SIRPB1: variants seen among roughly 807,000 people sequenced by gnomAD.
SIRPB1 encodes the protein signal-regulatory protein beta-1.
A neutral mutation model predicts 34.1 loss-of-function variants in SIRPB1; 28 were observed. The observed-to-expected ratio is 0.82, with a 90% CI of 0.61 to 1.12. The LOEUF is 1.12. SIRPB1 is among the 50% of genes most tolerant of loss of function. SIRPB1 has a pLI of 0.00. For missense variants in SIRPB1, 499 were observed against 507.0 expected (o/e 0.98, Z 0.15); for synonymous variants, 211 against 203.8 (o/e 1.04, Z -0.30).
rs2091225636 is a variant in SIRPB1, at chr20:1,570,998, T to C, written c.891A>G (p.Thr297=). The change falls in exon 4 of 6, where the codon ACA becomes ACG. Residue 297 remains threonine (T), a synonymous_variant. Coordinates refer to ENST00000381605, the MANE Select transcript of SIRPB1 (RefSeq NM_006065.5). ...LENGNVSRTE[T]ASTLIENKDG... Reference sequence around the variant, plus strand: ...CCTTGTTCTCTATGAGGGTCGAAGCTGTTTCTGTCCGGGACACATTTCCAT... The same window carrying C: ...CCTTGTTCTCTATGAGGGTCGAAGCCGTTTCTGTCCGGGACACATTTCCAT... 8 of 1,614,206 alleles carry C rather than the reference T, an allele frequency of 5.0e-6. No individual in the cohort carries two copies. The South Asian group carries it at 6.6e-5, about 13-fold the overall frequency.
rs1049539135 is a variant in SIRPB1 at position 1,562,031 on chromosome 20, A to G, written c.*3469T>C. On this transcript the variant is annotated 3_prime_UTR_variant, in exon 6 of 6. Coordinates refer to ENST00000381605, the MANE Select transcript of SIRPB1 (RefSeq NM_006065.5). ...CTCAGATATTTATTTTATACTTTGG[A>G]CTATAACTCATTACTACTTTACTTA... is the stretch of plus-strand genomic sequence containing the variant. Among the ~76,000 whole-genome samples, 5 of 152,138 alleles carry G rather than the reference A, an allele frequency of 3.3e-5. No homozygotes were observed. The highest frequency in any genetic ancestry group is 7.2e-5 in the African/African-American group (3 of 41,426).
In SIRPB1 at chr20:1,574,988, AG is replaced by A. The variant is rs1231109534; in HGVS notation, c.434-2952del. 7.8e-4 allele frequency among the ~76,000 whole-genome samples: 30 copies of A among 38,602 alleles called. 2 individuals are homozygous for A. The highest frequency in any genetic ancestry group is 5.7e-3 in the African/African-American group (27 of 4,704). The allele number at this position is 38,602 out of a possible 152,430, so 25.3% of individuals were successfully genotyped here. A position where few individuals can be genotyped will look rare whatever the true frequency, so the allele number is the denominator to read the frequency against. On this transcript the variant is annotated intron_variant, in intron 2 of 5. Coordinates refer to ENST00000381605, the MANE Select transcript of SIRPB1 (RefSeq NM_006065.5). ...ATCCTCTCCAATCCTCACAGAACCC[AG>A]AATAGGCCATGATAATCAGCATCTC...
chr20:1,587,793 G>A lies in SIRPB1; in HGVS notation c.77-9099C>T, dbSNP rs926767466. Among the ~76,000 whole-genome samples the A allele has an allele frequency of 3.7e-4, 18 of 48,628 alleles. 8 individuals are homozygous for A. The highest frequency in any genetic ancestry group is 6.7e-4 in the Non-Finnish European group (17 of 25,282). 31.9% of individuals were successfully genotyped at this position (48,628 alleles called of 152,430 possible). A position where few individuals can be genotyped will look rare whatever the true frequency, so the allele number is the denominator to read the frequency against. ...GGGAAGACCATGGGTTGAGACACAG[G>A]GTGGAGACTGTCTTCTACAAGCCAA... On this transcript the variant is annotated intron_variant, in intron 1 of 5. Transcript: ENST00000381605.
At chr20:1,579,602 C>G (rs1479090260) in intron 1 of SIRPB1, among the ~76,000 whole-genome samples, 1 of 148,662 alleles carries the variant, frequency 6.7e-6, no homozygotes, top group African/African-American at 2.4e-5. Context: ...TATGTAGCTT[C>G]CAGTAGAAAT....
At chr20:1,619,842 A>G in intron 1 of SIRPB1, 27 bp downstream of exon 1, 1 of 1,560,258 alleles carries the variant, frequency 6.4e-7, no homozygotes, top group Admixed American at 1.7e-5. Context: ...GGCAGGAAAA[A>G]AGATTTTAAC....
rs112820879 is a variant in SIRPB1 at position 1,585,707 on chromosome 20, T to C, written c.77-7013A>G. Among the ~76,000 whole-genome samples, 4 of 48,286 alleles carry C rather than the reference T, an allele frequency of 8.3e-5. 2 individuals are homozygous for C. Among genetic ancestry groups the C allele is most frequent in the African/African-American group, 5.5e-4 (4 of 7,294 alleles). 31.7% of individuals were successfully genotyped at this position (48,286 alleles called of 152,430 possible). A position where few individuals can be genotyped will look rare whatever the true frequency, so the allele number is the denominator to read the frequency against. On this transcript the variant is annotated intron_variant, in intron 1 of 5. Coordinates refer to ENST00000381605, the MANE Select transcript of SIRPB1 (RefSeq NM_006065.5). ...ATGGAGTGTCCTCAAAATTCAAAAATAGAATTATCATATGATCCAGCAATC... is the reference window on the plus strand; with the variant it reads ...ATGGAGTGTCCTCAAAATTCAAAAACAGAATTATCATATGATCCAGCAATC...
rs1256365774 is a variant in SIRPB1 at position 1,599,477 on chromosome 20, G to A, written c.76+20392C>T. On this transcript the variant is annotated intron_variant, in intron 1 of 5. Transcript: ENST00000381605. ...AGTACCCCCAGTTTGCTAAAAAACA[G>A]TTTATTTTCTTTGTTTTCTTTCCCC... 6.1e-5 allele frequency among the ~76,000 whole-genome samples: 3 copies of A among 49,076 alleles called. 1 individual carries two copies. Among genetic ancestry groups the A allele is most frequent in the Admixed American group, 2.7e-4 (2 of 7,376 alleles). 32.2% of individuals were successfully genotyped at this position (49,076 alleles called of 152,430 possible). A position where few individuals can be genotyped will look rare whatever the true frequency, so the allele number is the denominator to read the frequency against.
chr20:1,577,037 A>G (rs1476214491), intron 2 of SIRPB1, among the ~76,000 whole-genome samples: 2 of 148,316 alleles, frequency 1.3e-5, no homozygotes, highest in East Asian at 3.8e-4. Flanking sequence ...CAGCTGTAAA[A>G]AAACTGGAGC....
rs1246171795 is a variant in SIRPB1, at chr20:1,572,036, G to A, written c.435C>T (p.Ala145=). ...SGAGTELSVR[A]KPSAPVVSGP... is the part of the protein sequence containing the mutation. ...CCGATACCACGGGGGCAGAGGGTTT[G>A]GCTACAAAAGGACCATCGATAATCA... is the stretch of plus-strand genomic sequence containing the variant. Residue 145 remains alanine, a splice_region_variant and synonymous_variant, in exon 3 of 6, where the codon GCC becomes GCT. Coordinates refer to ENST00000381605, the MANE Select transcript of SIRPB1 (RefSeq NM_006065.5). 6 of 1,613,970 alleles carry A rather than the reference G, an allele frequency of 3.7e-6. No individual in the cohort carries two copies. The South Asian group carries it at 6.6e-5, about 18-fold the overall frequency.
At chr20:1,615,436 G>T (rs1414831044) in intron 1 of SIRPB1, among the ~76,000 whole-genome samples, 1 of 152,188 alleles carries the variant, frequency 6.6e-6, no homozygotes, top group African/African-American at 2.4e-5. Flanking sequence ...CCCAAAGCCA[G>T]ACTCTGCTTA....
chr20:1,571,687 T>A, intron 3 of SIRPB1, 33 bp downstream of exon 3: 2 of 1,612,346 alleles, frequency 1.2e-6, no homozygotes, highest in African/African-American at 2.7e-5. Flanking sequence ...GGCAGCCAGG[T>A]GTGGGCTTGG....
chr20:1,578,414 G>A lies in SIRPB1; in HGVS notation c.357C>T (p.Tyr119=). 1 of 1,586,372 alleles carries A rather than the reference G, an allele frequency of 6.3e-7. No homozygotes were observed. The highest frequency in any genetic ancestry group is 8.6e-7 in the Non-Finnish European group (1 of 1,159,588). ...GGCTCCCTTTCCGGAACTTCACACA[G>A]TAGTAGGTGCCGGCGTCTGCTGGGG... The part of the protein sequence containing the change: ...NITPADAGTY[Y]CVKFRKGSPD... Residue 119 remains tyrosine, a synonymous_variant, in exon 2 of 6, where the codon TAC becomes TAT. Transcript: ENST00000381605.
chr20:1,566,467 C>T (rs1364824846), intron 4 of SIRPB1, among the ~76,000 whole-genome samples, 200 bp from the exon 5 acceptor site: 1 of 152,198 alleles, frequency 6.6e-6, no homozygotes, highest in East Asian at 1.9e-4. Context: ...TCACCCTGTC[C>T]CAGGCTGCCA....
At position 1,612,296 on chromosome 20, in the gene SIRPB1, A is replaced by C. The variant is rs1169683087; in HGVS notation, c.76+7573T>G. Among the ~76,000 whole-genome samples, 2 of 72,722 alleles carry C rather than the reference A, an allele frequency of 2.8e-5. 1 individual carries two copies. The highest frequency in any genetic ancestry group is 2.2e-4 in the Admixed American group (2 of 8,972). 47.7% of individuals were successfully genotyped at this position (72,722 alleles called of 152,430 possible). On this transcript the variant is annotated intron_variant, in intron 1 of 5. Transcript: ENST00000381605. Reference sequence around the variant, plus strand: ...AGACGTGAGCCACCATGCCTGGCCAAGAGGTTCAATTTCAATGTAGAGCTT... The same window carrying C: ...AGACGTGAGCCACCATGCCTGGCCACGAGGTTCAATTTCAATGTAGAGCTT...
chr20:1,583,892 A>ACTACTG (rs769020935), intron 1 of SIRPB1, among the ~76,000 whole-genome samples: 585 of 43,516 alleles, frequency 0.013, 247 homozygotes, highest in African/African-American at 0.09. Flanking sequence ...TACTACTACT[A>ACTACTG]CTGCTGCTGC....
rs754682510 is a variant in SIRPB1, at chr20:1,570,927, G to A, written c.962C>T (p.Ala321Val). 1.2e-6 allele frequency: 2 copies of A among 1,614,176 alleles called. No individual in the cohort carries two copies. The highest frequency in any genetic ancestry group is 1.7e-6 in the Non-Finnish European group (2 of 1,180,020). ...WMSWLLVNTCAHRDDVVLTCQ... is the reference protein window; with the variant it reads ...WMSWLLVNTCVHRDDVVLTCQ... ...GGTGAGCACCACATCGTCCCTGTGGGCACAGGTGTTCACCAGGAGCCAGCT... is the reference window on the plus strand; with the variant it reads ...GGTGAGCACCACATCGTCCCTGTGGACACAGGTGTTCACCAGGAGCCAGCT... Residue 321 changes from alanine to valine, a missense_variant, in exon 4 of 6, where the codon GCC becomes GTC. By Grantham distance (64) the Ala-to-Val change is moderately conservative (BLOSUM62 0). Coordinates refer to ENST00000381605, the MANE Select transcript of SIRPB1 (RefSeq NM_006065.5).
intron 1 of SIRPB1, among the ~76,000 whole-genome samples, chr20:1,580,250 C>T (rs1484632045): frequency 6.8e-6 from 1 of 147,742 alleles, no homozygotes; most frequent in Admixed American, 6.7e-5. Context: ...TCCCACCACT[C>T]TAACCTCTTG....
chr20:1,619,302 G>T (rs960886848), intron 1 of SIRPB1, among the ~76,000 whole-genome samples: 1 of 152,198 alleles, frequency 6.6e-6, no homozygotes, highest in Non-Finnish European at 1.5e-5. Context: ...AAGAGGAAGA[G>T]GCCACAGAGA....
At position 1,609,963 on chromosome 20, in the gene SIRPB1, T is replaced by A. The variant is rs2091548656; in HGVS notation, c.76+9906A>T. On this transcript the variant is annotated intron_variant, in intron 1 of 5. Transcript: ENST00000381605. The stretch of plus-strand genomic sequence containing the variant: ...ACAAGGTCATCCATTGCATGATTGC[T>A]TTAGTAGCTAAGGTTGGGAATAACT... 2.7e-5 allele frequency among the ~76,000 whole-genome samples: 2 copies of A among 73,020 alleles called. 1 individual carries two copies. 47.9% of individuals were successfully genotyped at this position (73,020 alleles called of 152,430 possible). A position where few individuals can be genotyped will look rare whatever the true frequency, so the allele number is the denominator to read the frequency against.
Sources: allele counts gnomAD v4.1 joint callset (sites outside exome capture counted in the v4.1 genomes callset), GRCh38; gene constraint gnomAD v4.1.1; transcripts MANE v1.5; gene names NCBI Gene and HGNC (gene_info 2026-07-23, HGNC 2026-07-21).